TNRC6B: variants seen among roughly 807,000 people sequenced by gnomAD.
TNRC6B encodes trinucleotide repeat containing adaptor 6B, also known as trinucleotide repeat-containing gene 6B protein.
In TNRC6B, 52 loss-of-function variants were observed where a neutral mutation model predicts 203.6. The observed-to-expected ratio is 0.26, with a 90% confidence interval of 0.20 to 0.32. The LOEUF (loss-of-function observed/expected upper bound fraction) is 0.32, where lower values mean the gene tolerates loss of function less well. Among genes scored for constraint, TNRC6B ranks in the 10% least tolerant of loss-of-function variants. TNRC6B has a pLI of 1.00. For synonymous variants in TNRC6B, 838 were observed against 845.7 expected (o/e 0.99, Z 0.16); for missense variants, 1,923 against 2,286.2 (o/e 0.84, Z 3.24).
chr22:40,175,405 A>G (rs1033638763), upstream of TNRC6B, among the ~76,000 whole-genome samples: 2 of 152,138 alleles, frequency 1.3e-5, no homozygotes, highest in Non-Finnish European at 2.9e-5. Flanking sequence ...ATTAGAACCA[A>G]TATTTTATTT....
intron 1 of TNRC6B, among the ~76,000 whole-genome samples, chr22:40,180,894 C>T (rs1486046055): frequency 6.6e-6 from 1 of 152,012 alleles, no homozygotes; most frequent in South Asian, 2.1e-4. Context: ...AACTGCCACC[C>T]CCCCCACCAA....
At chr22:40,087,583 G>A (rs1245381971) in intron 1 of TNRC6B, among the ~76,000 whole-genome samples, 1 of 152,158 alleles carries the variant, frequency 6.6e-6, no homozygotes, top group Non-Finnish European at 1.5e-5. Flanking sequence ...ACTGGGGGGA[G>A]CCTGGCTTAG....
intron 1 of TNRC6B, among the ~76,000 whole-genome samples, chr22:40,187,137 A>T (rs1175551578): frequency 6.6e-6 from 1 of 152,226 alleles, no homozygotes. Context: ...TTGCAAGTGC[A>T]CAGTAGCCAC....
intron 2 of TNRC6B, among the ~76,000 whole-genome samples, chr22:40,125,616 G>A (rs1230214107): frequency 6.6e-6 from 1 of 152,066 alleles, no homozygotes; most frequent in African/African-American, 2.4e-5. Flanking sequence ...TTACCTTTAA[G>A]ATGCATGTGC....
At position 40,240,142 on chromosome 22, in the gene TNRC6B, A is replaced by G. The variant is rs2070008726; in HGVS notation, c.6-5873A>G. On this transcript the variant is annotated intron_variant, in intron 1 of 22. Coordinates refer to ENST00000454349, the MANE Select transcript of TNRC6B (RefSeq NM_001162501.2). The stretch of plus-strand genomic sequence containing the variant: ...AACTGTGCCCGGCCGAATATTGGGT[A>G]TTTTCTATTCAGGTACAAGTCACTT... Among the ~76,000 whole-genome samples, 3 of 152,022 alleles carry G rather than the reference A, an allele frequency of 2.0e-5. 1 individual carries two copies. Among genetic ancestry groups the G allele is most frequent in the Admixed American group, 2.0e-4 (3 of 15,270 alleles).
In TNRC6B at chr22:40,265,150, A is replaced by G. The variant is rs769743182; in HGVS notation, c.920A>G (p.Asn307Ser). ...TTCAGCAACTTTAACCCAAATAGCA[A>G]CCCATCTGCCTGGCCAGCACTGGTC... ...SGFSNFNPNS[N>S]PSAWPALVQE... The change falls in exon 5 of 23, where the codon AAC (asparagine) becomes AGC (serine). Residue 307 changes from asparagine to serine, a missense_variant. By Grantham distance (46) the Asn-to-Ser change is conservative (BLOSUM62 1). Transcript: ENST00000454349. 59 of 1,613,814 alleles carry G rather than the reference A, an allele frequency of 3.7e-5. 1 individual carries two copies. The highest frequency in any genetic ancestry group is 1.3e-4 in the South Asian group (12 of 91,086).
At chr22:40,103,136 C>T (rs1056234597) in intron 1 of TNRC6B, among the ~76,000 whole-genome samples, 1 of 151,638 alleles carries the variant, frequency 6.6e-6, no homozygotes, top group Non-Finnish European at 1.5e-5. Context: ...GTCATGATGG[C>T]ATGTGCTTGT....
At chr22:40,264,250 C>G (rs1345727503) in intron 4 of TNRC6B, among the ~76,000 whole-genome samples, 2 of 152,138 alleles carry the variant, frequency 1.3e-5, no homozygotes, top group African/African-American at 4.8e-5. Flanking sequence ...TGATGACATT[C>G]GAGGCCAAGG....
upstream of TNRC6B, among the ~76,000 whole-genome samples, chr22:40,173,072 T>G (rs1228978637): frequency 6.6e-6 from 1 of 152,208 alleles, no homozygotes; most frequent in Non-Finnish European, 1.5e-5. Flanking sequence ...GACAGAATTA[T>G]CTACATTTAT....
chr22:40,153,241 C>T (rs2068776155), intron 3 of TNRC6B, among the ~76,000 whole-genome samples: 1 of 152,092 alleles, frequency 6.6e-6, no homozygotes, highest in South Asian at 2.1e-4. Flanking sequence ...ATATATACTC[C>T]ACCTGAATCA....
chr22:40,234,218 T>A (rs1184479874), intron 1 of TNRC6B, among the ~76,000 whole-genome samples: 1 of 152,164 alleles, frequency 6.6e-6, no homozygotes. Context: ...CCCAGGAGTT[T>A]GAGGCTGCAG....
chr22:40,204,020 A>G (rs536860096), intron 1 of TNRC6B, among the ~76,000 whole-genome samples: 2 of 152,174 alleles, frequency 1.3e-5, no homozygotes, highest in Non-Finnish European at 2.9e-5. Flanking sequence ...TTTCATCCCT[A>G]TTCGCTTCTT....
intron 3 of TNRC6B, among the ~76,000 whole-genome samples, chr22:40,254,853 C>T (rs1436928207): frequency 6.6e-6 from 1 of 152,196 alleles, no homozygotes; most frequent in Non-Finnish European, 1.5e-5. Flanking sequence ...TGCCATTGCA[C>T]TCCAGCTGGG....
At chr22:40,232,449 G>A (rs923671183) in intron 1 of TNRC6B, among the ~76,000 whole-genome samples, 3 of 152,194 alleles carry the variant, frequency 2.0e-5, no homozygotes, top group Non-Finnish European at 4.4e-5. Flanking sequence ...TTCTGAAAAG[G>A]AAGTTTTAGG....
chr22:40,217,062 C>CT (rs2069645054), intron 1 of TNRC6B, among the ~76,000 whole-genome samples: 1 of 152,142 alleles, frequency 6.6e-6, no homozygotes, highest in Admixed American at 6.6e-5. Context: ...TTCCTTTCCT[C>CT]TAAGTCATCT....
chr22:40,182,849 T>C (rs1251624202), intron 1 of TNRC6B, among the ~76,000 whole-genome samples: 1 of 152,220 alleles, frequency 6.6e-6, no homozygotes, highest in Non-Finnish European at 1.5e-5. Context: ...CTGTGCACTA[T>C]CTCTTCAAAA....
At chr22:40,056,112 G>A (rs1362985411) in intron 1 of TNRC6B, among the ~76,000 whole-genome samples, 1 of 152,026 alleles carries the variant, frequency 6.6e-6, no homozygotes, top group Non-Finnish European at 1.5e-5. Flanking sequence ...CTCTTAAGTA[G>A]TGTCTCCTTT....
intron 1 of TNRC6B, among the ~76,000 whole-genome samples, chr22:40,059,477 G>C (rs1388196051): frequency 6.6e-6 from 1 of 152,042 alleles, no homozygotes; most frequent in Non-Finnish European, 1.5e-5. Flanking sequence ...CTAGTACTTC[G>C]AGTACCATGC....
chr22:40,245,222 C>G (rs1231704806), intron 1 of TNRC6B, among the ~76,000 whole-genome samples: 3 of 152,046 alleles, frequency 2.0e-5, no homozygotes, highest in Non-Finnish European at 4.4e-5. Context: ...TCCCGAGTAG[C>G]TGGGACTACA....
Sources: gnomAD v4.1 joint callset for allele counts (sites outside exome capture counted in the v4.1 genomes callset) on GRCh38, gnomAD v4.1.1 for gene constraint, MANE v1.5 for transcripts, NCBI Gene and HGNC (gene_info 2026-07-23, HGNC 2026-07-21) for gene names.